The following B3GALT1 variants were observed in gnomAD, a reference collection of about 807,000 sequenced individuals.
The protein encoded by B3GALT1 is beta-1,3-galactosyltransferase 1, also known as UDP-Gal:betaGlcNAc beta 1,3-galactosyltransferase, polypeptide 1.
B3GALT1 carries 10 observed loss-of-function variants against 23.2 expected under a neutral mutation model. The ratio of observed to expected loss-of-function variants is 0.43; its 90% CI spans 0.27 to 0.73. B3GALT1 has a LOEUF of 0.73. Ranked by LOEUF, B3GALT1 falls within the 30% of genes least tolerant of loss-of-function variation. The probability of loss-of-function intolerance (pLI) is 0.21; values close to 1 mark genes in which losing one functional copy is unlikely to be tolerated. For synonymous variants in B3GALT1, 156 were observed against 141.5 expected (o/e 1.10, Z -0.73); for missense variants, 299 against 405.4 (o/e 0.74, Z 2.25).
At chr2:167,715,489 G>T (rs777073932) in intron 3 of B3GALT1, 68 of 1,608,684 alleles carry the variant, frequency 4.2e-5, no homozygotes, top group Non-Finnish European at 5.5e-5. Context: ...TCTTGCAGAT[G>T]ATTTTGGCTT....
chr2:167,366,106 T>A (rs1470172504), intron 1 of B3GALT1, among the ~76,000 whole-genome samples: 1 of 152,242 alleles, frequency 6.6e-6, no homozygotes, highest in Non-Finnish European at 1.5e-5. Flanking sequence ...CTAATAATTT[T>A]GAAATACTTG....
chr2:167,722,865 A>G (rs1405828995), intron 3 of B3GALT1, among the ~76,000 whole-genome samples: 1 of 152,222 alleles, frequency 6.6e-6, no homozygotes, highest in South Asian at 2.1e-4. Flanking sequence ...TTTGGCTTCT[A>G]TCTCTACTCC....
chr2:167,359,939 G>C (rs1697473922), intron 1 of B3GALT1, among the ~76,000 whole-genome samples: 1 of 151,984 alleles, frequency 6.6e-6, no homozygotes, highest in Non-Finnish European at 1.5e-5. Context: ...TAACAATCAA[G>C]TACTGTGATG....
At chr2:167,825,877 C>T (rs1014594394) in intron 4 of B3GALT1, among the ~76,000 whole-genome samples, 2 of 152,164 alleles carry the variant, frequency 1.3e-5, no homozygotes, top group Non-Finnish European at 1.5e-5. Context: ...GTGAGGTTGC[C>T]AGGTGGTTTT....
At chr2:167,771,293 T>C (rs1688068631) in intron 3 of B3GALT1, among the ~76,000 whole-genome samples, 1 of 152,172 alleles carries the variant, frequency 6.6e-6, no homozygotes, top group East Asian at 1.9e-4. Flanking sequence ...ATGTGTGTGT[T>C]TAAACAGTCA....
chr2:167,627,474 A>G (rs754355285), intron 2 of B3GALT1, among the ~76,000 whole-genome samples: 19 of 151,684 alleles, frequency 1.3e-4, no homozygotes, highest in Non-Finnish European at 2.4e-4. Flanking sequence ...TGCATTTGAG[A>G]TTCATCCACG....
chr2:167,687,131 T>C (rs1434383661), intron 3 of B3GALT1, among the ~76,000 whole-genome samples: 1 of 152,194 alleles, frequency 6.6e-6, no homozygotes, highest in African/African-American at 2.4e-5. Context: ...GAGTGACAAA[T>C]TCCTGCACAG....
intron 4 of B3GALT1, among the ~76,000 whole-genome samples, chr2:167,859,155 C>T (rs937884292): frequency 6.6e-6 from 1 of 152,080 alleles, no homozygotes; most frequent in African/African-American, 2.4e-5. Flanking sequence ...AGTGGAGAAG[C>T]CCCACCCGAA....
At chr2:167,647,978 T>G (rs1384442326) in intron 3 of B3GALT1, among the ~76,000 whole-genome samples, 1 of 152,130 alleles carries the variant, frequency 6.6e-6, no homozygotes, top group East Asian at 1.9e-4. Flanking sequence ...TTATCTACTC[T>G]CCTTTTAGTT....
intron 2 of B3GALT1, among the ~76,000 whole-genome samples, chr2:167,585,078 C>T (rs1344685826): frequency 6.6e-6 from 1 of 152,170 alleles, no homozygotes; most frequent in Non-Finnish European, 1.5e-5. Flanking sequence ...TGAAGCTACC[C>T]AGGGGCCTCC....
chr2:167,705,874 A>G (rs777942912), intron 3 of B3GALT1, among the ~76,000 whole-genome samples: 8 of 152,224 alleles, frequency 5.3e-5, no homozygotes, highest in Non-Finnish European at 1.0e-4. Flanking sequence ...CCACATTTCA[A>G]ATGCTTAATA....
In B3GALT1 at chr2:167,871,520, T is replaced by C. The variant is rs946869222; in HGVS notation, c.*1500T>C. 6.6e-6 allele frequency: 1 copy of C among 152,206 alleles called. No homozygotes were observed. Among genetic ancestry groups the C allele is most frequent in the Non-Finnish European group, 1.5e-5 (1 of 68,040 alleles). 9.4% of individuals were successfully genotyped at this position (152,206 alleles called of 1,614,324 possible). A position where few individuals can be genotyped will look rare whatever the true frequency, so the allele number is the denominator to read the frequency against. On this transcript the variant is annotated 3_prime_UTR_variant, in exon 5 of 5. Transcript: ENST00000392690. ...TTTAGGTGTTTGGGAAGGCTTCCAT[T>C]TCTCTGAGATTTCTTCTGGTTTCAA...
At chr2:167,782,925 A>G (rs1688272552) in intron 3 of B3GALT1, among the ~76,000 whole-genome samples, 1 of 152,208 alleles carries the variant, frequency 6.6e-6, no homozygotes, top group South Asian at 2.1e-4. Context: ...TTTTAGATAA[A>G]ATACTAGACA....
chr2:167,801,221 T>A (rs1465974374), intron 3 of B3GALT1, among the ~76,000 whole-genome samples: 1 of 152,228 alleles, frequency 6.6e-6, no homozygotes, highest in Admixed American at 6.5e-5. Flanking sequence ...CCAGTTGATG[T>A]GTATTTGTCG....
chr2:167,479,733 C>G (rs1699535297), intron 1 of B3GALT1, among the ~76,000 whole-genome samples: 1 of 151,896 alleles, frequency 6.6e-6, no homozygotes, highest in African/African-American at 2.4e-5. Context: ...TTCTTGCCTG[C>G]TGCACAGACA....
chr2:167,772,077 G>T (rs35694451), intron 3 of B3GALT1, among the ~76,000 whole-genome samples: 25 of 151,766 alleles, frequency 1.6e-4, no homozygotes, highest in Middle Eastern at 3.4e-3. Flanking sequence ...AATGACTGAC[G>T]GGGGGAATCC....
intron 1 of B3GALT1, among the ~76,000 whole-genome samples, chr2:167,474,994 T>C (rs1699469352): frequency 6.6e-6 from 1 of 152,204 alleles, no homozygotes; most frequent in African/African-American, 2.4e-5. Context: ...TCAGATTTTA[T>C]ACATCTTTCT....
intron 2 of B3GALT1, among the ~76,000 whole-genome samples, chr2:167,548,708 G>GTGTGTGTT (rs1225615263): frequency 9.9e-5 from 15 of 151,514 alleles, no homozygotes; most frequent in South Asian, 2.1e-4. Flanking sequence ...GTGTGTGTGT[G>GTGTGTGTT]TGTGTGTGTA....
intron 3 of B3GALT1, among the ~76,000 whole-genome samples, chr2:167,694,412 T>C (rs1457921290): frequency 6.6e-6 from 1 of 152,160 alleles, no homozygotes; most frequent in Non-Finnish European, 1.5e-5. Context: ...CAAGTGAAAT[T>C]ACTGTAACAA....
Sources: allele counts gnomAD v4.1 joint callset (sites outside exome capture counted in the v4.1 genomes callset), GRCh38; gene constraint gnomAD v4.1.1; transcripts MANE v1.5; gene names NCBI Gene and HGNC (gene_info 2026-07-23, HGNC 2026-07-21).